Variants in NRXN2 observed in about 807,000 individuals in gnomAD.
The protein encoded by NRXN2 is neurexin-2-beta.
NRXN2 carries 29 observed loss-of-function variants against 128.8 expected under a neutral mutation model. That is an observed-to-expected ratio of 0.23 (90% CI 0.17 to 0.31). NRXN2 has a LOEUF of 0.31. Among genes scored for constraint, NRXN2 ranks in the 10% least tolerant of loss-of-function variants. The probability of loss-of-function intolerance (pLI) is 1.00; values close to 1 mark genes in which losing one functional copy is unlikely to be tolerated. For synonymous variants in NRXN2, 1,098 were observed against 1,075.2 expected, an observed-to-expected ratio of 1.02 and a Z score of -0.41; for missense variants, 1,881 against 2,452.6, an observed-to-expected ratio of 0.77 and a Z score of 4.92.
intron 22 of NRXN2, among the ~76,000 whole-genome samples, chr11:64,611,002 G>C (rs1188630411): frequency 1.3e-5 from 2 of 152,206 alleles, no homozygotes; most frequent in Non-Finnish European, 2.9e-5. Flanking sequence ...CCTGCCTTGA[G>C]TGTCTCTGAC....
At chr11:64,681,229 G>A (rs1028615887) in intron 6 of NRXN2, among the ~76,000 whole-genome samples, 31 of 151,714 alleles carry the variant, frequency 2.0e-4, no homozygotes, top group African/African-American at 6.5e-4. Flanking sequence ...ATGGGTCCTC[G>A]TGTCCAAAAC....
In NRXN2 at chr11:64,652,172, G is replaced by A. The variant is rs368398727; in HGVS notation, c.2417-18C>T. The A allele has an allele frequency of 6.2e-7, 1 of 1,607,468 alleles. No homozygotes were observed. On this transcript the variant is annotated intron_variant, in intron 12 of 22. Transcript: ENST00000265459. ...GCCTTTACCTGCGGCACCAAGGGGG[G>A]AATGAGGAGGGCACCTATACATGCT...
In NRXN2 at chr11:64,660,918, C is replaced by T. The variant is rs1178269107; in HGVS notation, c.2020G>A (p.Ala674Thr). Residue 674 changes from alanine (A) to threonine (T), a missense_variant, in exon 10 of 23, where the codon GCT (alanine) becomes ACT (threonine). Physicochemically the swap from Ala to Thr is moderately conservative, Grantham distance 58. Transcript: ENST00000265459. The surrounding 1 kb of genome is among the most constrained non-coding windows in gnomAD (Gnocchi z 5.2). ...ACGCCCACAGCCCCCTGAGCCTCAG[C>T]CAGGCCCCGGAGGTCTCGGCTACGC... ...DGRSRDLRGLAEAQGAVGVAP... is the reference protein window; with the variant it reads ...DGRSRDLRGLTEAQGAVGVAP... 6.2e-7 allele frequency: 1 copy of T among 1,613,608 alleles called. No homozygotes were observed. The highest frequency in any genetic ancestry group is 1.7e-5 in the Admixed American group (1 of 60,012).
chr11:64,713,198 T>C lies in NRXN2; in HGVS notation c.502A>G (p.Thr168Ala). Residue 168 changes from threonine (T) to alanine (A), a missense_variant, in exon 2 of 23, where the codon ACC (threonine) becomes GCC (alanine). Transcript: ENST00000265459. ...DVRLSALTLS[T>A]VKYEPPFRGL... ...CGGAAGGGCGGCTCGTACTTGACGG[T>C]GCTCAGCGTAAGCGCCGAGAGGCGC... The C allele has an allele frequency of 6.8e-7, 1 of 1,469,286 alleles. No homozygotes were observed. The highest frequency in any genetic ancestry group is 9.0e-7 in the Non-Finnish European group (1 of 1,114,400). 91.0% of individuals were successfully genotyped at this position (1,469,286 alleles called of 1,614,324 possible).
At chr11:64,658,391 T>C (rs1423680392) in intron 11 of NRXN2, among the ~76,000 whole-genome samples, 1 of 152,230 alleles carries the variant, frequency 6.6e-6, no homozygotes, top group Non-Finnish European at 1.5e-5. Flanking sequence ...TTGTGCAGAC[T>C]TGTGGAGCAT....
In NRXN2 at chr11:64,667,019, G is replaced by A. The variant is rs375753133; in HGVS notation, c.1798+231C>T. 9.2e-5 allele frequency among the ~76,000 whole-genome samples: 14 copies of A among 152,280 alleles called. No homozygotes were observed. The East Asian group carries it at 2.7e-3, about 29-fold the overall frequency. On this transcript the variant is annotated intron_variant, in intron 9 of 22. Coordinates refer to ENST00000265459, the MANE Select transcript of NRXN2 (RefSeq NM_015080.4). This position sits in a 1 kb window ranked among gnomAD's most constrained non-coding sequence, Gnocchi z 5.6. The stretch of plus-strand genomic sequence containing the variant: ...ACAGAGTCTCACATGCAGCAAGTAG[G>A]GGAGCTGAGGTGTAATCCAGGTCTG...
intron 9 of NRXN2, among the ~76,000 whole-genome samples, chr11:64,665,388 C>T (rs1002700816): frequency 6.6e-6 from 1 of 152,174 alleles, no homozygotes; most frequent in African/African-American, 2.4e-5. Flanking sequence ...CTCCAGAGAT[C>T]GGTGTTGAGC....
chr11:64,646,915 G>A (rs545904513), intron 17 of NRXN2, among the ~76,000 whole-genome samples: 16 of 152,286 alleles, frequency 1.1e-4, no homozygotes, highest in African/African-American at 2.6e-4. Flanking sequence ...GAGATGTGGT[G>A]GTACCCAAGG....
chr11:64,641,057 T>C (rs117675863), intron 17 of NRXN2, among the ~76,000 whole-genome samples: 53 of 152,098 alleles, frequency 3.5e-4, no homozygotes, highest in Non-Finnish European at 6.6e-4. Flanking sequence ...GGAGGCCACC[T>C]GGGTACAAAG....
At chr11:64,612,724 T>C (rs1053736440) in intron 22 of NRXN2, among the ~76,000 whole-genome samples, 1 of 152,218 alleles carries the variant, frequency 6.6e-6, no homozygotes, top group Non-Finnish European at 1.5e-5. Flanking sequence ...AAGGGGAGTC[T>C]AGAATTGAGG....
chr11:64,643,085 A>G, intron 17 of NRXN2: 1 of 986,852 alleles, frequency 1.0e-6, no homozygotes, highest in Middle Eastern at 5.2e-4. Context: ...GGAGCGGCGC[A>G]GAGGGCCGTC....
chr11:64,718,582 G>A (rs571517432), intron 1 of NRXN2, among the ~76,000 whole-genome samples: 1 of 152,310 alleles, frequency 6.6e-6, no homozygotes, highest in South Asian at 2.1e-4. Context: ...GGCTGCCTCG[G>A]GGGGTGGTGA....
intron 3 of NRXN2, among the ~76,000 whole-genome samples, chr11:64,695,789 T>C (rs2054424175): frequency 6.6e-6 from 1 of 151,738 alleles, no homozygotes; most frequent in Admixed American, 6.6e-5. Flanking sequence ...CATGCAGGCA[T>C]CCACAGTGCC....
intron 7 of NRXN2, 101 bp from the exon 8 acceptor site, chr11:64,668,705 G>T: frequency 7.4e-7 from 1 of 1,343,404 alleles, no homozygotes; most frequent in Non-Finnish European, 1.1e-6. Context: ...GGGCAGCAGG[G>T]GAGGGGGACC....
At chr11:64,703,189 G>A (rs1777646787) in intron 2 of NRXN2, among the ~76,000 whole-genome samples, 1 of 152,060 alleles carries the variant, frequency 6.6e-6, no homozygotes, top group Non-Finnish European at 1.5e-5. Context: ...CCAAAAGTGA[G>A]GACAATGCCT....
At position 64,660,366 on chromosome 11, in the gene NRXN2, C is replaced by T; in HGVS notation, c.2355G>A (p.Leu785=). Residue 785 remains leucine, a synonymous_variant, in exon 11 of 23, where the codon CTG becomes CTA. Coordinates refer to ENST00000265459, the MANE Select transcript of NRXN2 (RefSeq NM_015080.4). The surrounding 1 kb of genome is among the most constrained non-coding windows in gnomAD (Gnocchi z 5.2). ...RESADTLRLE[L]DGGQMKLTVN... The stretch of plus-strand genomic sequence containing the variant: ...CAGTGAGCTTCATCTGCCCCCCATC[C>T]AGCTCCAGGCGTAGGGTGTCGGCAG... The T allele has an allele frequency of 6.2e-7, 1 of 1,614,090 alleles. No homozygotes were observed. Among genetic ancestry groups the T allele is most frequent in the Non-Finnish European group, 8.5e-7 (1 of 1,180,034 alleles).
At chr11:64,684,989 A>T (rs1208521743) in intron 6 of NRXN2, among the ~76,000 whole-genome samples, 3 of 152,172 alleles carry the variant, frequency 2.0e-5, no homozygotes, top group African/African-American at 7.2e-5. Flanking sequence ...AAGAAAGAGA[A>T]GGAAAAGAAG....
chr11:64,706,321 A>C (rs1463890394), intron 2 of NRXN2, among the ~76,000 whole-genome samples: 36 of 128,688 alleles, frequency 2.8e-4, no homozygotes, highest in East Asian at 9.3e-4. Context: ...ATCCCTCCCC[A>C]CTCCCCCCAC....
rs557063234 is a variant in NRXN2, at chr11:64,700,241, T to G, written c.731-2449A>C. ...TCCCGGCCTCCTCCCTGAGTACCAG[T>G]CCTGTATCACCATGTGTCCACCCAG... On this transcript the variant is annotated intron_variant, in intron 2 of 22. Coordinates refer to ENST00000265459, the MANE Select transcript of NRXN2 (RefSeq NM_015080.4). Among the ~76,000 whole-genome samples the G allele has an allele frequency of 4.6e-3, 702 of 152,286 alleles. 11 individuals are homozygous for G. Among genetic ancestry groups the G allele is most frequent in the Non-Finnish European group, 4.6e-3 (313 of 68,022 alleles).
Sources: gnomAD v4.1 joint callset for allele counts (sites outside exome capture counted in the v4.1 genomes callset) on GRCh38, gnomAD v4.1.1 for gene constraint, Gnocchi (gnomAD v3.1) non-coding constraint, MANE v1.5 for transcripts, NCBI Gene and HGNC (gene_info 2026-07-23, HGNC 2026-07-21) for gene names.